The following TMEM266 variants were observed in gnomAD, a reference collection of about 807,000 sequenced individuals.
TMEM266 encodes transmembrane protein 266.
Under a neutral mutation model 50.5 loss-of-function variants are expected in TMEM266, and 33 were observed. The observed-to-expected ratio is 0.65, with a 90% CI of 0.50 to 0.87. The LOEUF (loss-of-function observed/expected upper bound fraction) is 0.87. TMEM266 is among the 40% of genes least tolerant of loss of function. The pLI is 0.00. For synonymous variants in TMEM266, 310 were observed against 292.3 expected (o/e 1.06, Z -0.62); for missense variants, 655 against 695.1 (o/e 0.94, Z 0.65).
At chr15:76,200,676 G>C (rs1402552688) in intron 9 of TMEM266, among the ~76,000 whole-genome samples, 8 of 152,314 alleles carry the variant, frequency 5.3e-5, no homozygotes, top group African/African-American at 1.9e-4. Context: ...TGGGGGTCCT[G>C]AGCCTCCAGC....
intron 8 of TMEM266, among the ~76,000 whole-genome samples, chr15:76,186,181 G>T (rs1038547910): frequency 2.6e-5 from 4 of 152,168 alleles, no homozygotes; most frequent in African/African-American, 9.7e-5. Context: ...TGCTTCTGAA[G>T]CACCATGTGG....
At chr15:76,127,558 T>C (rs1456629340) in intron 1 of TMEM266, among the ~76,000 whole-genome samples, 1 of 152,130 alleles carries the variant, frequency 6.6e-6, no homozygotes, top group African/African-American at 2.4e-5. Context: ...ACTCCTGATA[T>C]CAAGTGATCC....
chr15:76,077,419 T>A (rs988564094), intron 1 of TMEM266, among the ~76,000 whole-genome samples: 1 of 152,044 alleles, frequency 6.6e-6, no homozygotes, highest in Non-Finnish European at 1.5e-5. Context: ...GTCCTCAAAA[T>A]CCACAAATGG....
chr15:76,117,368 C>T lies in TMEM266; in HGVS notation c.-96-16800C>T, dbSNP rs74926742. 4.2e-4 allele frequency among the ~76,000 whole-genome samples: 64 copies of T among 152,158 alleles called. No homozygotes were observed. The East Asian group carries it at 0.011, about 26-fold the overall frequency. ...TATACCAGCATCAAATGAAACACTA[C>T]GGCAGTGCCTGAGGTGGTCAGTCAT... is the stretch of plus-strand genomic sequence containing the variant. On this transcript the variant is annotated intron_variant, in intron 1 of 10. Coordinates refer to ENST00000388942, the MANE Select transcript of TMEM266 (RefSeq NM_152335.3).
chr15:76,098,628 C>G (rs1268204302), intron 1 of TMEM266, among the ~76,000 whole-genome samples: 1 of 152,086 alleles, frequency 6.6e-6, no homozygotes, highest in Non-Finnish European at 1.5e-5. Context: ...ATCTGCTGTG[C>G]TTTTCAGAGC....
chr15:76,096,815 G>C (rs975869852), intron 1 of TMEM266, among the ~76,000 whole-genome samples: 9 of 151,888 alleles, frequency 5.9e-5, no homozygotes, highest in Admixed American at 4.6e-4. Flanking sequence ...ATATATTTTG[G>C]ATAGTTAGCT....
chr15:76,159,929 C>T (rs536614845), intron 4 of TMEM266, among the ~76,000 whole-genome samples, 166 bp from the exon 5 acceptor site: 78 of 152,312 alleles, frequency 5.1e-4, no homozygotes, highest in Non-Finnish European at 8.5e-4. Context: ...TCACTGCAGA[C>T]GCCAGCTGAA....
At chr15:76,101,771 C>A (rs749112320) in intron 1 of TMEM266, among the ~76,000 whole-genome samples, 17 of 152,256 alleles carry the variant, frequency 1.1e-4, no homozygotes, top group Non-Finnish European at 1.5e-5. Flanking sequence ...ACTCCCCTCT[C>A]ACAGCCAGAG....
intron 1 of TMEM266, among the ~76,000 whole-genome samples, chr15:76,096,114 T>C (rs2036917385): frequency 6.6e-6 from 1 of 152,076 alleles, no homozygotes. Context: ...TCTATCTCCT[T>C]CAGTTCTGCT....
At chr15:76,133,297 G>A (rs1049880237) in intron 1 of TMEM266, among the ~76,000 whole-genome samples, 4 of 152,008 alleles carry the variant, frequency 2.6e-5, no homozygotes, top group East Asian at 1.9e-4. Context: ...TTAGCTGGAC[G>A]TGGTGGTGCA....
chr15:76,091,844 A>G (rs76098288), intron 1 of TMEM266, among the ~76,000 whole-genome samples: 1,541 of 151,878 alleles, frequency 0.01, 41 homozygotes, highest in Admixed American at 0.061. Flanking sequence ...TACAAAAATT[A>G]TCCTGGTGTG....
At chr15:76,147,295 T>A (rs564600116) in intron 3 of TMEM266, among the ~76,000 whole-genome samples, 1 of 152,374 alleles carries the variant, frequency 6.6e-6, no homozygotes, top group Middle Eastern at 3.4e-3. Flanking sequence ...CTTCACTTAG[T>A]AAGGTTTTAA....
At chr15:76,071,406 T>C (rs1203837934) in intron 1 of TMEM266, among the ~76,000 whole-genome samples, 3 of 152,148 alleles carry the variant, frequency 2.0e-5, no homozygotes, top group African/African-American at 7.2e-5. Flanking sequence ...AGATGAGGCA[T>C]TCAAGGAGAG....
intron 3 of TMEM266, among the ~76,000 whole-genome samples, chr15:76,155,341 C>T (rs948221994): frequency 1.3e-5 from 2 of 152,194 alleles, no homozygotes; most frequent in African/African-American, 4.8e-5. Context: ...CCAGGCCCCT[C>T]AGAGGGGCCT....
intron 1 of TMEM266, 100 bp from the exon 2 acceptor site, chr15:76,134,068 G>C: frequency 1.9e-6 from 1 of 526,842 alleles, no homozygotes; most frequent in East Asian, 3.0e-5. Flanking sequence ...GAAGAAAAGT[G>C]CTAGATGGAA....
At chr15:76,144,509 G>A (rs887495233) in intron 3 of TMEM266, among the ~76,000 whole-genome samples, 8 of 152,172 alleles carry the variant, frequency 5.3e-5, no homozygotes, top group African/African-American at 1.9e-4. Flanking sequence ...AGCCCATGCC[G>A]TGTGGGCTCC....
At chr15:76,129,416 C>T (rs1471073667) in intron 1 of TMEM266, among the ~76,000 whole-genome samples, 2 of 151,830 alleles carry the variant, frequency 1.3e-5, no homozygotes, top group Admixed American at 6.6e-5. Context: ...CTGAGGCAGG[C>T]GGATCACCTG....
At chr15:76,146,919 CG>C (rs1567166891) in intron 3 of TMEM266, among the ~76,000 whole-genome samples, 2 of 152,216 alleles carry the variant, frequency 1.3e-5, no homozygotes, top group African/African-American at 4.8e-5. Context: ...TCTCCAGTAC[CG>C]GGCCAGGGGC....
chr15:76,146,634 A>G (rs1248952179), intron 3 of TMEM266, among the ~76,000 whole-genome samples: 1 of 152,244 alleles, frequency 6.6e-6, no homozygotes, highest in Non-Finnish European at 1.5e-5. Flanking sequence ...TATAGCAAAC[A>G]TCTCTAAATA....
Sources: allele counts gnomAD v4.1 joint callset (sites outside exome capture counted in the v4.1 genomes callset), GRCh38; gene constraint gnomAD v4.1.1; transcripts MANE v1.5; gene names NCBI Gene and HGNC (gene_info 2026-07-23, HGNC 2026-07-21).